Variants in TCF4 observed in about 807,000 individuals in gnomAD.
TCF4 encodes SL3-3 enhancer factor 2.
In TCF4, 3 loss-of-function variants were observed where a neutral mutation model predicts 82.1. The ratio of observed to expected loss-of-function variants is 0.04; its 90% CI spans 0.02 to 0.09. The LOEUF (loss-of-function observed/expected upper bound fraction) is 0.09, where lower values mean the gene tolerates loss of function less well. TCF4 is among the 10% of genes least tolerant of loss of function. The pLI is 1.00. For missense variants in TCF4, 518 were observed against 852.7 expected, an observed-to-expected ratio of 0.61 and a Z score of 4.89; for synonymous variants, 276 against 309.6, an observed-to-expected ratio of 0.89 and a Z score of 1.14.
At chr18:55,613,929 C>A (rs1436558010) in intron 2 of TCF4, among the ~76,000 whole-genome samples, 1 of 152,068 alleles carries the variant, frequency 6.6e-6, no homozygotes, top group Non-Finnish European at 1.5e-5. Flanking sequence ...CAGTTTTAGG[C>A]TATTATTTAT....
At chr18:55,527,303 G>A (rs2096996794) in intron 3 of TCF4, among the ~76,000 whole-genome samples, 1 of 152,186 alleles carries the variant, frequency 6.6e-6, no homozygotes. Context: ...TCTAAATCAG[G>A]TGAGCAGAGG....
intron 8 of TCF4, among the ~76,000 whole-genome samples, chr18:55,295,692 C>T (rs547930733): frequency 1.3e-5 from 2 of 152,268 alleles, no homozygotes; most frequent in South Asian, 4.1e-4. Context: ...TTGATCAGGC[C>T]ACTGTTTACC....
At chr18:55,276,326 T>G (rs1039759323) in intron 9 of TCF4, among the ~76,000 whole-genome samples, 1 of 152,164 alleles carries the variant, frequency 6.6e-6, no homozygotes, top group African/African-American at 2.4e-5. Context: ...TATTTTATTT[T>G]TATTTTTTGG....
At chr18:55,556,250 T>C (rs561106932) in intron 3 of TCF4, among the ~76,000 whole-genome samples, 2 of 152,288 alleles carry the variant, frequency 1.3e-5, no homozygotes, top group South Asian at 4.1e-4. Context: ...ATGCTCTGTA[T>C]CTCACATCCC....
chr18:55,324,420 G>A (rs1042370177), intron 8 of TCF4, among the ~76,000 whole-genome samples: 2 of 152,150 alleles, frequency 1.3e-5, no homozygotes, highest in African/African-American at 4.8e-5. Flanking sequence ...AGTTTTCTTT[G>A]TGACAGAAAT....
intron 6 of TCF4, among the ~76,000 whole-genome samples, chr18:55,360,473 A>T (rs1452447859): frequency 6.6e-6 from 1 of 152,154 alleles, no homozygotes; most frequent in East Asian, 1.9e-4. Flanking sequence ...CCAGAATGGC[A>T]CCATTAAATA....
chr18:55,415,251 A>G (rs1045502145), intron 5 of TCF4, among the ~76,000 whole-genome samples: 4 of 152,216 alleles, frequency 2.6e-5, no homozygotes, highest in Admixed American at 2.6e-4. Flanking sequence ...TACCAAAAAC[A>G]CACCCAAAAC....
chr18:55,565,121 T>C (rs1031293212), intron 3 of TCF4, among the ~76,000 whole-genome samples: 6 of 152,078 alleles, frequency 3.9e-5, no homozygotes, highest in South Asian at 2.1e-4. Context: ...AAAAAGAACA[T>C]TTTCTCTAAA....
upstream of TCF4, chr18:55,588,280 A>T: frequency 7.0e-7 from 1 of 1,423,572 alleles, no homozygotes; most frequent in Non-Finnish European, 9.1e-7. Flanking sequence ...AGGGGGAAAC[A>T]CGCCGAGGCG....
At chr18:55,295,629 C>A (rs926453282) in intron 8 of TCF4, among the ~76,000 whole-genome samples, 1 of 152,120 alleles carries the variant, frequency 6.6e-6, no homozygotes, top group Non-Finnish European at 1.5e-5. Context: ...AAAGGCTCCT[C>A]GTCACATTCA....
chr18:55,585,964 A>G, intron 2 of TCF4: 2 of 1,306,668 alleles, frequency 1.5e-6, no homozygotes, highest in Non-Finnish European at 9.9e-7. Flanking sequence ...TCTAGTGGAT[A>G]ATGCACACCT....
intron 10 of TCF4, among the ~76,000 whole-genome samples, chr18:55,270,391 G>C (rs2060097995): frequency 6.6e-6 from 1 of 151,946 alleles, no homozygotes; most frequent in South Asian, 2.1e-4. Flanking sequence ...ATTTCATCCT[G>C]ATCTTCTTGA....
chr18:55,361,898 T>A (rs539671373), intron 6 of TCF4, among the ~76,000 whole-genome samples: 1 of 152,300 alleles, frequency 6.6e-6, no homozygotes, highest in South Asian at 2.1e-4. Context: ...TAAGGTGGGC[T>A]GAGGCAGAAA....
intron 6 of TCF4, among the ~76,000 whole-genome samples, chr18:55,352,586 A>G (rs973418874): frequency 2.0e-5 from 3 of 152,186 alleles, no homozygotes; most frequent in African/African-American, 7.2e-5. Context: ...TACCACATAA[A>G]TACCTGATAA....
intron 17 of TCF4, chr18:55,229,434 G>A (rs1218088933): frequency 1.3e-5 from 4 of 312,306 alleles, no homozygotes; most frequent in African/African-American, 8.6e-5. Flanking sequence ...ACCAACTTAC[G>A]CCTAGCATAT....
chr18:55,402,700 C>T (rs1183848827), intron 6 of TCF4, among the ~76,000 whole-genome samples: 1 of 152,072 alleles, frequency 6.6e-6, no homozygotes, highest in African/African-American at 2.4e-5. Flanking sequence ...TCTATAAAAA[C>T]TCAGTTGTCT....
In TCF4 at chr18:55,633,778, G is replaced by A. The variant is rs919786178; in HGVS notation, c.195+1925C>T. ...ATACTTAAATGAATAGGTATGTCTCGGTTAAGCCCAAAGTAGGTCTGTGGG... is the reference window on the plus strand; with the variant it reads ...ATACTTAAATGAATAGGTATGTCTCAGTTAAGCCCAAAGTAGGTCTGTGGG... On this transcript the variant is annotated intron_variant, in intron 1 of 20. Transcript: ENST00000398339. The surrounding 1 kb of genome is among the most constrained non-coding windows in gnomAD (Gnocchi z 4.0). Among the ~76,000 whole-genome samples, 10 of 151,908 alleles carry A rather than the reference G, an allele frequency of 6.6e-5. No individual in the cohort carries two copies. In the East Asian group the frequency reaches 1.5e-3, roughly 23 times the overall value.
intron 3 of TCF4, among the ~76,000 whole-genome samples, chr18:55,575,699 T>C (rs552527599): frequency 7.2e-5 from 11 of 152,300 alleles, no homozygotes; most frequent in African/African-American, 2.6e-4. Flanking sequence ...TAAGTTAAGA[T>C]ACTTGCAGGT....
chr18:55,588,670 C>A, upstream of TCF4: 1 of 1,312,550 alleles, frequency 7.6e-7, no homozygotes, highest in Non-Finnish European at 9.7e-7. Context: ...ACACGTGATG[C>A]AAAAAGACTT....
Sources: allele counts gnomAD v4.1 joint callset (sites outside exome capture counted in the v4.1 genomes callset), GRCh38; gene constraint gnomAD v4.1.1; non-coding constraint Gnocchi (gnomAD v3.1); transcripts MANE v1.5; gene names NCBI Gene and HGNC (gene_info 2026-07-23, HGNC 2026-07-21).